The following MAGI2 variants were observed in gnomAD, a reference collection of about 807,000 sequenced individuals.
The protein encoded by MAGI2 is membrane associated guanylate kinase, WW and PDZ domain containing 2, also known as membrane-associated guanylate kinase, WW and PDZ domain-containing protein 2.
In MAGI2, 35 loss-of-function variants were observed where a neutral mutation model predicts 133.3. That is an observed-to-expected ratio of 0.26 (90% CI 0.20 to 0.35). The LOEUF (loss-of-function observed/expected upper bound fraction) is 0.35, where lower values mean the gene tolerates loss of function less well. Among genes scored for constraint, MAGI2 ranks in the 10% least tolerant of loss-of-function variants. The pLI is 1.00. For missense variants in MAGI2, 1,636 were observed against 1,863.4 expected (o/e 0.88, Z 2.25); for synonymous variants, 729 against 710.6 (o/e 1.03, Z -0.41).
intron 1 of MAGI2, among the ~76,000 whole-genome samples, chr7:79,310,476 C>T (rs1442058114): frequency 3.3e-5 from 5 of 152,116 alleles, no homozygotes; most frequent in African/African-American, 1.2e-4. Context: ...ATCCAGAGAT[C>T]TGCATTTTAA....
In MAGI2 at chr7:78,177,842, G is replaced by A. The variant is rs181168902; in HGVS notation, c.2403+169C>T. Among the ~76,000 whole-genome samples the A allele has an allele frequency of 9.2e-5, 14 of 152,124 alleles. No homozygotes were observed. In the East Asian group the frequency reaches 2.1e-3, roughly 23 times the overall value. ...TTTGTCGTGGAGATAACTGCATGTC[G>A]TGAGATCTTTTTAAAGAAAACAGCA... On this transcript the variant is annotated intron_variant, in intron 14 of 21. Transcript: ENST00000354212.
chr7:79,151,680 C>A lies in MAGI2; in HGVS notation c.302-144474G>T, dbSNP rs1038244770. Among the ~76,000 whole-genome samples the A allele has an allele frequency of 3.9e-5, 6 of 152,200 alleles. No individual in the cohort carries two copies. The East Asian group carries it at 1.2e-3, about 29-fold the overall frequency. On this transcript the variant is annotated intron_variant, in intron 1 of 21. Coordinates refer to ENST00000354212, the MANE Select transcript of MAGI2 (RefSeq NM_012301.4). ...TCTGAAGGGAAAAATAAGCTGAATT[C>A]TGGACTTCAGCAGAACATAACACAG...
rs551240834 is a variant in MAGI2 at position 78,105,534 on chromosome 7, A to G, written c.3567+20160T>C. Reference sequence around the variant, plus strand: ...ATCATTTGATATAAAATTGATATACATTTCTATTATTATGGTGGAAATGAA... The same window carrying G: ...ATCATTTGATATAAAATTGATATACGTTTCTATTATTATGGTGGAAATGAA... On this transcript the variant is annotated intron_variant, in intron 20 of 21. Coordinates refer to ENST00000354212, the MANE Select transcript of MAGI2 (RefSeq NM_012301.4). Among the ~76,000 whole-genome samples, 10 of 152,284 alleles carry G rather than the reference A, an allele frequency of 6.6e-5. No individual in the cohort carries two copies. The East Asian group carries it at 1.9e-3, about 29-fold the overall frequency.
chr7:79,172,302 A>G (rs1322049547), intron 1 of MAGI2, among the ~76,000 whole-genome samples: 1 of 152,078 alleles, frequency 6.6e-6, no homozygotes, highest in East Asian at 1.9e-4. Flanking sequence ...ATTTTGGAAC[A>G]TTATAGATGT....
chr7:78,578,237 C>A (rs899677296), intron 3 of MAGI2, among the ~76,000 whole-genome samples: 1 of 151,640 alleles, frequency 6.6e-6, no homozygotes, highest in Non-Finnish European at 1.5e-5. Flanking sequence ...GAAAGAGGAG[C>A]CTGAGAATGT....
At chr7:78,977,507 GAAAGAAAGAAAGAAAGA>G (rs1400963259) in intron 2 of MAGI2, among the ~76,000 whole-genome samples, 3 of 34,080 alleles carry the variant, frequency 8.8e-5, no homozygotes, top group African/African-American at 2.4e-4. Flanking sequence ...AAGAAAGAAA[GAAAGAAAGAAAGAAAGA>G]AAGAGCAAAG....
chr7:78,833,028 A>G (rs1417363992), intron 2 of MAGI2, among the ~76,000 whole-genome samples: 1 of 152,172 alleles, frequency 6.6e-6, no homozygotes, highest in Non-Finnish European at 1.5e-5. Context: ...TTTAGGGTTA[A>G]GGCATACTGC....
chr7:79,104,666 A>AAAAATAAAT (rs1305852939), intron 1 of MAGI2, among the ~76,000 whole-genome samples: 2 of 152,126 alleles, frequency 1.3e-5, no homozygotes, highest in Non-Finnish European at 2.9e-5. Flanking sequence ...ACTCCATCTC[A>AAAAATAAAT]AAAATAAATA....
At chr7:79,385,914 TC>T (rs1366854038) in intron 1 of MAGI2, among the ~76,000 whole-genome samples, 1 of 152,008 alleles carries the variant, frequency 6.6e-6, no homozygotes, top group African/African-American at 2.4e-5. Context: ...TTTTACTCTC[TC>T]TATGAATCCC....
chr7:78,605,104 C>T (rs191445515), intron 3 of MAGI2, among the ~76,000 whole-genome samples: 1 of 152,268 alleles, frequency 6.6e-6, no homozygotes, highest in African/African-American at 2.4e-5. Flanking sequence ...CAAAACATAC[C>T]TCTAGATGCA....
intron 2 of MAGI2, among the ~76,000 whole-genome samples, chr7:78,788,251 C>A (rs1472984049): frequency 2.6e-5 from 4 of 152,124 alleles, no homozygotes; most frequent in Non-Finnish European, 5.9e-5. Flanking sequence ...GTGGGACAAT[C>A]TTTTTTATAT....
At chr7:79,355,821 T>C (rs1316383437) in intron 1 of MAGI2, among the ~76,000 whole-genome samples, 2 of 152,294 alleles carry the variant, frequency 1.3e-5, no homozygotes, top group African/African-American at 2.4e-5. Context: ...TAAAACACAA[T>C]TGTCAGATAT....
At chr7:79,424,256 TTTTC>T (rs1403807663) in intron 1 of MAGI2, among the ~76,000 whole-genome samples, 1 of 137,354 alleles carries the variant, frequency 7.3e-6, no homozygotes, top group African/African-American at 3.3e-5. Flanking sequence ...CAGATTTTTC[TTTTC>T]TTTTTTTTTT....
intron 2 of MAGI2, among the ~76,000 whole-genome samples, chr7:78,746,031 T>G (rs1822897317): frequency 6.6e-6 from 1 of 152,226 alleles, no homozygotes; most frequent in Non-Finnish European, 1.5e-5. Context: ...TGAGCTCAGC[T>G]AGGCTGTAGA....
intron 3 of MAGI2, among the ~76,000 whole-genome samples, chr7:78,546,739 C>T (rs1798879799): frequency 6.6e-6 from 1 of 151,998 alleles, no homozygotes; most frequent in African/African-American, 2.4e-5. Flanking sequence ...GGAGTATAAC[C>T]TATGGACTCA....
chr7:78,408,965 C>T (rs1221865014), intron 6 of MAGI2, among the ~76,000 whole-genome samples: 1 of 151,962 alleles, frequency 6.6e-6, no homozygotes, highest in Non-Finnish European at 1.5e-5. Flanking sequence ...AGTTAGAAGG[C>T]ATGAGAGTAG....
chr7:79,227,805 C>A (rs1830981703), intron 1 of MAGI2, among the ~76,000 whole-genome samples: 1 of 152,164 alleles, frequency 6.6e-6, no homozygotes, highest in Non-Finnish European at 1.5e-5. Context: ...TTGATTGTCT[C>A]TAAACTCAAG....
intron 3 of MAGI2, among the ~76,000 whole-genome samples, chr7:78,622,752 T>A (rs1468353731): frequency 6.6e-6 from 1 of 151,980 alleles, no homozygotes; most frequent in Non-Finnish European, 1.5e-5. Context: ...GATCCTGAGG[T>A]TTGAGAACAT....
At chr7:78,664,239 T>C (rs761516304) in intron 2 of MAGI2, among the ~76,000 whole-genome samples, 3 of 152,214 alleles carry the variant, frequency 2.0e-5, no homozygotes, top group Non-Finnish European at 4.4e-5. Context: ...ACAACCATTC[T>C]ACTTTTCTCC....
Sources: gnomAD v4.1 joint callset for allele counts (sites outside exome capture counted in the v4.1 genomes callset) on GRCh38, gnomAD v4.1.1 for gene constraint, MANE v1.5 for transcripts, NCBI Gene and HGNC (gene_info 2026-07-23, HGNC 2026-07-21) for gene names.